Variants in NFX1 observed in about 807,000 individuals in gnomAD.
The protein encoded by NFX1 is transcriptional repressor NF-X1.
In NFX1, 69 loss-of-function variants were observed where a neutral mutation model predicts 137.2. The ratio of observed to expected loss-of-function variants is 0.50; its 90% CI spans 0.41 to 0.61. The LOEUF (loss-of-function observed/expected upper bound fraction) is 0.61. Ranked by LOEUF, NFX1 falls within the 20% of genes least tolerant of loss-of-function variation. The pLI, the probability that NFX1 is intolerant of heterozygous loss-of-function variation, is 0.00. For missense variants in NFX1, 1,167 were observed against 1,391.0 expected, an observed-to-expected ratio of 0.84 and a Z score of 2.56; for synonymous variants, 495 against 474.1, an observed-to-expected ratio of 1.04 and a Z score of -0.57.
At chr9:33,295,521 T>C (rs1821323657) in intron 2 of NFX1, 94 bp downstream of exon 2, 1 of 1,345,012 alleles carries the variant, frequency 7.4e-7, no homozygotes, top group Admixed American at 2.6e-5. Flanking sequence ...GCAGAAAGTA[T>C]GGAAAGTTAC....
At chr9:33,369,624 A>G (rs1023125888) in intron 23 of NFX1, among the ~76,000 whole-genome samples, 1 of 152,184 alleles carries the variant, frequency 6.6e-6, no homozygotes, top group Non-Finnish European at 1.5e-5. Context: ...GAAATCCTGT[A>G]AATAGATTGT....
chr9:33,350,829 A>G (rs1023160179), intron 15 of NFX1, among the ~76,000 whole-genome samples: 3 of 152,202 alleles, frequency 2.0e-5, no homozygotes, highest in Admixed American at 2.0e-4. Context: ...TGTCTCTAAA[A>G]ATTAAAGTAA....
intron 14 of NFX1, 54 bp from the exon 15 acceptor site, chr9:33,346,984 T>G: frequency 6.9e-7 from 1 of 1,443,210 alleles, no homozygotes; most frequent in South Asian, 1.2e-5. Flanking sequence ...TGTATAATGG[T>G]TTACATGGCT....
chr9:33,364,289 C>T (rs1054714478), intron 20 of NFX1, among the ~76,000 whole-genome samples, 181 bp downstream of exon 20: 3 of 152,040 alleles, frequency 2.0e-5, no homozygotes, highest in African/African-American at 7.2e-5. Flanking sequence ...CGAAACTGTC[C>T]CCTTAAAGAA....
At chr9:33,354,050 C>A in intron 17 of NFX1, 36 bp from the exon 18 acceptor site, 1 of 1,553,398 alleles carries the variant, frequency 6.4e-7, no homozygotes, top group South Asian at 1.2e-5. Context: ...TGTGAAACTG[C>A]AATGCCTCTT....
chr9:33,308,965 G>C (rs1027892997), intron 5 of NFX1, among the ~76,000 whole-genome samples: 5 of 152,202 alleles, frequency 3.3e-5, no homozygotes, highest in African/African-American at 4.8e-5. Flanking sequence ...TGGGCAGTCA[G>C]ATACCTCATT....
chr9:33,298,274 G>A (rs1440227458), intron 2 of NFX1, among the ~76,000 whole-genome samples: 1 of 152,224 alleles, frequency 6.6e-6, no homozygotes, highest in Admixed American at 6.5e-5. Flanking sequence ...GCACCATGTG[G>A]CTAGCTTGAG....
At position 33,294,557 on chromosome 9, in the gene NFX1, C is replaced by A; in HGVS notation, c.163C>A (p.His55Asn). ...AAATTACAGTTCACCACCTCCCTGTCACCTTTCCAGGCAGGTCCCTTATGA... is the reference window on the plus strand; with the variant it reads ...AAATTACAGTTCACCACCTCCCTGTAACCTTTCCAGGCAGGTCCCTTATGA... Reference protein sequence around the residue: ...RRNYSSPPPCHLSRQVPYDEI... With the variant: ...RRNYSSPPPCNLSRQVPYDEI... The change falls in exon 2 of 24, where the codon CAC (histidine) becomes AAC (asparagine). Residue 55 changes from histidine to asparagine, a missense_variant. Around this residue, in one of 3 missense-constraint regions of NFX1, gnomAD observed 367 missense variants for 386.7 expected, o/e 0.95. Transcript: ENST00000379540. 1 of 1,614,206 alleles carries A rather than the reference C, an allele frequency of 6.2e-7. No individual in the cohort carries two copies. Among genetic ancestry groups the A allele is most frequent in the South Asian group, 1.1e-5 (1 of 91,078 alleles).
At position 33,301,285 on chromosome 9, in the gene NFX1, A is replaced by G; in HGVS notation, c.1056A>G (p.Thr352=). The change falls in exon 3 of 24, where the codon ACA becomes ACG. Residue 352 remains threonine, a synonymous_variant. Coordinates refer to ENST00000379540, the MANE Select transcript of NFX1 (RefSeq NM_002504.6). ...THTGSLIEQL[T]TEKYECMVCC... ...CAGGTTCTCTAATTGAACAACTAAC[A>G]ACAGAAAAATACGAGTGCATGGTGT... is the stretch of plus-strand genomic sequence containing the variant. 1 of 1,613,948 alleles carries G rather than the reference A, an allele frequency of 6.2e-7. No individual in the cohort carries two copies. Among genetic ancestry groups the G allele is most frequent in the Non-Finnish European group, 8.5e-7 (1 of 1,179,956 alleles).
chr9:33,296,719 G>T (rs1821369334), intron 2 of NFX1, among the ~76,000 whole-genome samples: 1 of 152,174 alleles, frequency 6.6e-6, no homozygotes, highest in African/African-American at 2.4e-5. Context: ...GCAAGACCCT[G>T]TTTTGCGGGG....
In NFX1 at chr9:33,295,078, G is replaced by T. The variant is rs1821304834; in HGVS notation, c.684G>T (p.Leu228Phe). ...SSEASSRKGV[L>F]DGYGARRNEQ... ...AGGCATCCTCTAGAAAAGGAGTATT[G>T]GATGGGTATGGAGCCAGACGAAATG... Residue 228 changes from leucine to phenylalanine, a missense_variant, in exon 2 of 24, where the codon TTG (leucine) becomes TTT (phenylalanine). Transcript: ENST00000379540. The T allele has an allele frequency of 4.3e-6, 7 of 1,614,018 alleles. No homozygotes were observed. The highest frequency in any genetic ancestry group is 5.9e-6 in the Non-Finnish European group (7 of 1,180,048).
At position 33,344,103 on chromosome 9, in the gene NFX1, A is replaced by G. The variant is rs146117232; in HGVS notation, c.2259A>G (p.Ser753=). 1.4e-5 allele frequency: 22 copies of G among 1,613,950 alleles called. No individual in the cohort carries two copies. The African/African-American group carries it at 1.7e-4, about 13-fold the overall frequency. ...AATTAACCTGCCATTGTGGTGCATCAGTGATTTACCCTCCAGTTCCCTGTG... is the reference window on the plus strand; with the variant it reads ...AATTAACCTGCCATTGTGGTGCATCGGTGATTTACCCTCCAGTTCCCTGTG... ...FDELTCHCGA[S]VIYPPVPCGT... is the part of the protein sequence containing the mutation. Residue 753 remains serine, a synonymous_variant, in exon 14 of 24, where the codon TCA becomes TCG. Transcript: ENST00000379540.
At chr9:33,365,081 T>A in intron 21 of NFX1, 1 of 767,278 alleles carries the variant, frequency 1.3e-6, no homozygotes, top group South Asian at 3.6e-5. Flanking sequence ...CTAGATCAGC[T>A]TGGCCAACAT....
rs1045228952 is a variant in NFX1 at position 33,328,631 on chromosome 9, T to G, written c.1957T>G (p.Cys653Gly). ...CTGCCATGAAGGAGACTGTGGACCA[T>G]GCTCTCGCACATCAGTTATTTCCTG... ...KLCHEGDCGP[C>G]SRTSVISCRC... The change falls in exon 10 of 24, where the codon TGC (cysteine) becomes GGC (glycine). Residue 653 changes from cysteine to glycine, a missense_variant. By Grantham distance (159) the Cys-to-Gly change is radical. This residue lies in a region of NFX1 where 488 missense variants were observed against 691.5 expected (regional missense o/e 0.71). Coordinates refer to ENST00000379540, the MANE Select transcript of NFX1 (RefSeq NM_002504.6). The G allele has an allele frequency of 5.6e-6, 9 of 1,612,756 alleles. No individual in the cohort carries two copies. The highest frequency in any genetic ancestry group is 7.6e-6 in the Non-Finnish European group (9 of 1,178,858).
chr9:33,331,109 T>G (rs1822789790), intron 10 of NFX1, among the ~76,000 whole-genome samples: 1 of 151,916 alleles, frequency 6.6e-6, no homozygotes. Flanking sequence ...GAGCTTGCAG[T>G]GAACCGAGAT....
intron 12 of NFX1, among the ~76,000 whole-genome samples, chr9:33,339,201 G>A (rs1823126237): frequency 6.6e-6 from 1 of 152,026 alleles, no homozygotes; most frequent in South Asian, 2.1e-4. Context: ...CACACTGTCA[G>A]TAAAGACATA....
chr9:33,362,763 G>A (rs369924690), intron 19 of NFX1, among the ~76,000 whole-genome samples: 1 of 144,952 alleles, frequency 6.9e-6, no homozygotes, highest in African/African-American at 2.6e-5. Flanking sequence ...TAGTGCAATG[G>A]CGCTATCTCA....
intron 23 of NFX1, 89 bp downstream of exon 23, chr9:33,367,708 G>A (rs1341321093): frequency 7.8e-7 from 1 of 1,289,690 alleles, no homozygotes; most frequent in Non-Finnish European, 1.1e-6. Context: ...CCAGCCATTG[G>A]TGGCCTCCTC....
At chr9:33,330,671 A>C (rs984391714) in intron 10 of NFX1, among the ~76,000 whole-genome samples, 2 of 152,142 alleles carry the variant, frequency 1.3e-5, no homozygotes, top group African/African-American at 4.8e-5. Context: ...ATTCTCCCAC[A>C]ATCCCTCTTT....
Sources: gnomAD v4.1 joint callset for allele counts (sites outside exome capture counted in the v4.1 genomes callset) on GRCh38, gnomAD v4.1.1 for gene constraint, gnomAD v4.1.1 regional missense constraint, MANE v1.5 for transcripts, NCBI Gene and HGNC (gene_info 2026-07-23, HGNC 2026-07-21) for gene names.